The following SARNP variants were observed in gnomAD, a reference collection of about 807,000 sequenced individuals.
The protein encoded by SARNP is SAP domain containing ribonucleoprotein.
Under a neutral mutation model 38.1 loss-of-function variants are expected in SARNP, and 5 were observed. That is an observed-to-expected ratio of 0.13 (90% CI 0.07 to 0.28). The LOEUF (loss-of-function observed/expected upper bound fraction) is 0.28, where lower values mean the gene tolerates loss of function less well. Ranked by LOEUF, SARNP falls within the 10% of genes least tolerant of loss-of-function variation. The probability of loss-of-function intolerance (pLI) is 1.00; values close to 1 mark genes in which losing one functional copy is unlikely to be tolerated. For synonymous variants in SARNP, 84 were observed against 80.6 expected (o/e 1.04, Z -0.23); for missense variants, 180 against 243.9 (o/e 0.74, Z 1.75).
At chr12:55,800,440 T>C (rs1344697833) in intron 4 of SARNP, 122 bp downstream of exon 4, 8 of 679,342 alleles carry the variant, frequency 1.2e-5, no homozygotes, top group Non-Finnish European at 1.7e-5. Flanking sequence ...AACAAAAAAA[T>C]GACCTAATCA....
intron 1 of SARNP, among the ~76,000 whole-genome samples, chr12:55,816,617 A>G (rs201631770): frequency 1.3e-5 from 2 of 152,212 alleles, no homozygotes; most frequent in East Asian, 1.9e-4. Context: ...AAACTTTTCG[A>G]GCTTTAAAGG....
intron 8 of SARNP, among the ~76,000 whole-genome samples, chr12:55,789,993 T>C (rs1388741449): frequency 6.7e-6 from 1 of 148,294 alleles, no homozygotes; most frequent in Non-Finnish European, 1.5e-5. Context: ...ATTAATAATA[T>C]TAAACCTTCA....
intron 9 of SARNP, among the ~76,000 whole-genome samples, chr12:55,782,230 T>A (rs536720704): frequency 1.3e-5 from 2 of 152,314 alleles, no homozygotes; most frequent in Admixed American, 1.3e-4. Context: ...ATAAAATGCT[T>A]GTACCTTCTA....
At chr12:55,754,177 C>G (rs1008450542), downstream of SARNP, 1 of 152,158 alleles carries the variant, frequency 6.6e-6, no homozygotes, top group Non-Finnish European at 1.5e-5. Context: ...CCAAGGGAAC[C>G]ATATCCACAT....
chr12:55,797,216 AACTT>A (rs1447610094), intron 4 of SARNP, among the ~76,000 whole-genome samples: 1 of 152,216 alleles, frequency 6.6e-6, no homozygotes, highest in African/African-American at 2.4e-5. Context: ...CTGGAATAAG[AACTT>A]ACTCTCTTCC....
intron 2 of SARNP, 71 bp from the exon 3 acceptor site, chr12:55,800,971 T>C: frequency 7.8e-7 from 1 of 1,282,192 alleles, no homozygotes; most frequent in African/African-American, 1.5e-5. Context: ...AAGGTTAAAA[T>C]TATAATCACT....
At chr12:55,769,152 A>G (rs1592558558) in intron 9 of SARNP, among the ~76,000 whole-genome samples, 1 of 152,240 alleles carries the variant, frequency 6.6e-6, no homozygotes, top group African/African-American at 2.4e-5. Flanking sequence ...GCAAGGATCT[A>G]ACCTCTATCT....
rs1171160468 is a variant in SARNP at position 55,817,692 on chromosome 12, C to T, written c.10G>A (p.Glu4Lys). The change falls in exon 1 of 11, where the codon GAG becomes AAG. Residue 4 changes from glutamate (E) to lysine (K), a missense_variant. Glu to Lys is a moderately conservative substitution (Grantham distance 56). Coordinates refer to ENST00000336133, the MANE Select transcript of SARNP (RefSeq NM_033082.4). ...TTTAGCTTATGGAGCTCCACCGTCT[C>T]GGTCGCCATCTTGTTACCCCTCACT... MAT[E>K]TVELHKLKLA... 3 of 1,613,296 alleles carry T rather than the reference C, an allele frequency of 1.9e-6. No homozygotes were observed. The highest frequency in any genetic ancestry group is 2.5e-6 in the Non-Finnish European group (3 of 1,179,664).
At chr12:55,758,890 G>A (rs1368431252) in intron 10 of SARNP, among the ~76,000 whole-genome samples, 1 of 150,340 alleles carries the variant, frequency 6.7e-6, no homozygotes, top group Non-Finnish European at 1.5e-5. Flanking sequence ...AGCAATGCAA[G>A]AACAGCCTAA....
In SARNP at chr12:55,809,737, C is replaced by T. The variant is rs549401968; in HGVS notation, c.37-6009G>A. ...CAGCCTGGGCGACAGAAGGGAGACC[C>T]TGTCTCAAAAAACAAAAAAAAAAAA... On this transcript the variant is annotated intron_variant, in intron 1 of 10. Coordinates refer to ENST00000336133, the MANE Select transcript of SARNP (RefSeq NM_033082.4). Among the ~76,000 whole-genome samples, 237 of 126,462 alleles carry T rather than the reference C, an allele frequency of 1.9e-3. 2 individuals are homozygous for T. The highest frequency in any genetic ancestry group is 5.9e-3 in the African/African-American group (230 of 39,204). 83.0% of individuals were successfully genotyped at this position (126,462 alleles called of 152,430 possible).
chr12:55,755,130 C>G (rs1445820719), downstream of SARNP: 3 of 152,112 alleles, frequency 2.0e-5, no homozygotes, highest in East Asian at 5.8e-4. Flanking sequence ...GTGGCATTGC[C>G]AGAGGCCCTC....
At chr12:55,766,176 C>G (rs932602111) in intron 9 of SARNP, among the ~76,000 whole-genome samples, 11 of 152,110 alleles carry the variant, frequency 7.2e-5, no homozygotes, top group Non-Finnish European at 8.8e-5. Context: ...CTTCTTCATC[C>G]CTCCCCCACT....
intron 9 of SARNP, among the ~76,000 whole-genome samples, chr12:55,772,807 C>T (rs1411978976): frequency 1.3e-5 from 2 of 151,740 alleles, no homozygotes; most frequent in Admixed American, 6.6e-5. Flanking sequence ...CTTCACCTCC[C>T]GGGTTCAAGT....
intron 9 of SARNP, among the ~76,000 whole-genome samples, chr12:55,765,499 T>C (rs1878802433): frequency 6.6e-6 from 1 of 151,308 alleles, no homozygotes; most frequent in Non-Finnish European, 1.5e-5. Flanking sequence ...GTATGTGCCA[T>C]GCCTGGCTAA....
At position 55,772,871 on chromosome 12, in the gene SARNP, C is replaced by T. The variant is rs574786396; in HGVS notation, c.502-12231G>A. ...CTGGGATTACAGGCACGCAACACCA[C>T]GCCCGGCTAATTTTGTATTTTTCAG... On this transcript the variant is annotated intron_variant, in intron 9 of 10. Transcript: ENST00000336133. 2.0e-4 allele frequency among the ~76,000 whole-genome samples: 31 copies of T among 152,144 alleles called. No individual in the cohort carries two copies. In the South Asian group the frequency reaches 3.9e-3, roughly 19 times the overall value.
chr12:55,807,063 CAG>C (rs1880168390), intron 1 of SARNP, among the ~76,000 whole-genome samples: 1 of 152,196 alleles, frequency 6.6e-6, no homozygotes. Flanking sequence ...GCTGGGACTA[CAG>C]GTACACACCA....
intron 1 of SARNP, among the ~76,000 whole-genome samples, chr12:55,815,500 G>C (rs563258114): frequency 6.6e-6 from 1 of 152,072 alleles, no homozygotes; most frequent in Non-Finnish European, 1.5e-5. Context: ...CTGTCCCCCA[G>C]GCTGGAGTGC....
At chr12:55,790,769 A>G (rs1422081078) in intron 7 of SARNP, among the ~76,000 whole-genome samples, 177 bp from the exon 8 acceptor site, 1 of 152,246 alleles carries the variant, frequency 6.6e-6, no homozygotes, top group Non-Finnish European at 1.5e-5. Flanking sequence ...AAAATGGTAT[A>G]GCTGCTTTGG....
chr12:55,763,929 C>T (rs900223068), intron 9 of SARNP, among the ~76,000 whole-genome samples: 73 of 152,190 alleles, frequency 4.8e-4, no homozygotes, highest in African/African-American at 1.5e-3. Context: ...TTACCACCTC[C>T]TCAAGGTATC....
Sources: gnomAD v4.1 joint callset for allele counts (sites outside exome capture counted in the v4.1 genomes callset) on GRCh38, gnomAD v4.1.1 for gene constraint, MANE v1.5 for transcripts, NCBI Gene and HGNC (gene_info 2026-07-23, HGNC 2026-07-21) for gene names.